The following RTTN variants were observed in gnomAD, a reference collection of about 807,000 sequenced individuals.
RTTN encodes the protein rotatin.
A neutral mutation model predicts 269.2 loss-of-function variants in RTTN; 182 were observed. The ratio of observed to expected loss-of-function variants is 0.68; its 90% CI spans 0.60 to 0.76. RTTN has a LOEUF of 0.76. Among genes scored for constraint, RTTN ranks in the 30% least tolerant of loss-of-function variants. The probability of loss-of-function intolerance (pLI) is 0.00; values close to 1 mark genes in which losing one functional copy is unlikely to be tolerated. For synonymous variants in RTTN, 1,006 were observed against 963.5 expected (o/e 1.04, Z -0.82); for missense variants, 2,545 against 2,608.6 (o/e 0.98, Z 0.53).
intron 17 of RTTN, 137 bp downstream of exon 17, chr18:70,148,764 G>C: frequency 3.1e-6 from 3 of 959,556 alleles, no homozygotes; most frequent in East Asian, 5.4e-5. Flanking sequence ...TTAGTTTCAC[G>C]CATTGGTTTC....
At chr18:70,139,421 G>T (rs535707652) in intron 21 of RTTN, among the ~76,000 whole-genome samples, 178 bp downstream of exon 21, 1 of 152,234 alleles carries the variant, frequency 6.6e-6, no homozygotes, top group South Asian at 2.1e-4. Flanking sequence ...TCAGCAACAG[G>T]ATTAGAAAGC....
intron 14 of RTTN, among the ~76,000 whole-genome samples, chr18:70,153,430 A>G (rs2060591966): frequency 2.6e-5 from 4 of 152,112 alleles, no homozygotes; most frequent in Admixed American, 2.6e-4. Context: ...TTATATCACT[A>G]CAGTCTAGCA....
At chr18:70,184,710 T>TGTG (rs1427052940) in intron 10 of RTTN, among the ~76,000 whole-genome samples, 16 of 57,100 alleles carry the variant, frequency 2.8e-4, no homozygotes, top group African/African-American at 1.1e-3. Context: ...CAGGTTTTTT[T>TGTG]TTTTTTTGTG....
At chr18:70,062,548 T>G (rs1210289432) in intron 35 of RTTN, among the ~76,000 whole-genome samples, 1 of 152,172 alleles carries the variant, frequency 6.6e-6, no homozygotes, top group African/African-American at 2.4e-5. Context: ...TGTGCTTCTT[T>G]CTTCACTTGA....
chr18:70,112,121 C>T (rs1375784901), intron 27 of RTTN, among the ~76,000 whole-genome samples: 1 of 152,114 alleles, frequency 6.6e-6, no homozygotes, highest in Non-Finnish European at 1.5e-5. Flanking sequence ...ATTTTGTCAC[C>T]ACCAGGCCTG....
At chr18:70,122,273 T>C (rs1425832872) in intron 25 of RTTN, among the ~76,000 whole-genome samples, 1 of 151,416 alleles carries the variant, frequency 6.6e-6, no homozygotes, top group Admixed American at 6.6e-5. Context: ...AAAAAACTGG[T>C]TTAAGAGAGC....
chr18:70,134,350 C>CATG (rs2060069867), intron 23 of RTTN, 123 bp downstream of exon 23: 1 of 728,950 alleles, frequency 1.4e-6, no homozygotes, highest in African/African-American at 1.8e-5. Context: ...GTGAAGGAAC[C>CATG]ATGAAAGCCC....
At chr18:70,173,355 T>C (rs1156278716) in intron 11 of RTTN, among the ~76,000 whole-genome samples, 5 of 151,896 alleles carry the variant, frequency 3.3e-5, no homozygotes, top group Non-Finnish European at 7.4e-5. Flanking sequence ...TAGCCGGGCA[T>C]GGTGGGGCAC....
chr18:70,152,013 T>C (rs1599792871), intron 14 of RTTN, among the ~76,000 whole-genome samples: 1 of 152,178 alleles, frequency 6.6e-6, no homozygotes, highest in Non-Finnish European at 1.5e-5. Context: ...GAGCTTCTCA[T>C]AGAGGACACC....
rs1409405210 is a variant in RTTN, at chr18:70,057,843, C to T, written c.4941-11G>A. ...GTAGCATCTGCAATGCTGTGACGATCAGAAAAAGAAAATCCTTCAGAAGAT... is the reference window on the plus strand; with the variant it reads ...GTAGCATCTGCAATGCTGTGACGATTAGAAAAAGAAAATCCTTCAGAAGAT... On this transcript the variant is annotated splice_polypyrimidine_tract_variant and intron_variant, in intron 36 of 48. Coordinates refer to ENST00000640769, the MANE Select transcript of RTTN (RefSeq NM_173630.4). 6 of 1,599,012 alleles carry T rather than the reference C, an allele frequency of 3.8e-6. No homozygotes were observed. Among genetic ancestry groups the T allele is most frequent in the Non-Finnish European group, 5.1e-6 (6 of 1,168,276 alleles).
intron 1 of RTTN, among the ~76,000 whole-genome samples, 154 bp from the exon 2 acceptor site, chr18:70,205,469 A>G (rs1328580119): frequency 1.3e-5 from 2 of 152,246 alleles, no homozygotes; most frequent in Admixed American, 6.5e-5. Context: ...CGAAGTTTAC[A>G]CAAAGTCCGA....
rs187732772 is a variant in RTTN, at chr18:70,027,662, A to G, written c.5823+1062T>C. Among the ~76,000 whole-genome samples the G allele has an allele frequency of 5.3e-5, 8 of 152,370 alleles. No individual in the cohort carries two copies. The East Asian group carries it at 1.5e-3, about 29-fold the overall frequency. On this transcript the variant is annotated intron_variant, in intron 43 of 48. Coordinates refer to ENST00000640769, the MANE Select transcript of RTTN (RefSeq NM_173630.4). ...AAATTTACACACAAATACTGACTGTACATCCAGTCACAAGCATAATATCAT... is the reference window on the plus strand; with the variant it reads ...AAATTTACACACAAATACTGACTGTGCATCCAGTCACAAGCATAATATCAT...
intron 10 of RTTN, among the ~76,000 whole-genome samples, chr18:70,184,700 C>G (rs2061493610): frequency 1.2e-4 from 4 of 33,268 alleles, no homozygotes; most frequent in Non-Finnish European, 2.8e-4. Flanking sequence ...AAAACCACAG[C>G]AGGTTTTTTT....
At chr18:70,169,359 T>C (rs996514322) in intron 11 of RTTN, among the ~76,000 whole-genome samples, 3 of 152,220 alleles carry the variant, frequency 2.0e-5, no homozygotes, top group Admixed American at 6.5e-5. Context: ...CCTTGAGCCC[T>C]GCACCTTGTA....
chr18:70,126,985 C>T (rs2059880890), intron 25 of RTTN, among the ~76,000 whole-genome samples: 2 of 152,142 alleles, frequency 1.3e-5, no homozygotes, highest in African/African-American at 2.4e-5. Flanking sequence ...CAAATGCAAC[C>T]ATCTGCTACA....
chr18:70,069,644 T>C (rs1041970065), intron 34 of RTTN, among the ~76,000 whole-genome samples: 2 of 152,216 alleles, frequency 1.3e-5, no homozygotes, highest in Non-Finnish European at 2.9e-5. Flanking sequence ...CAGAAGCAAG[T>C]GATTTCACTA....
intron 28 of RTTN, among the ~76,000 whole-genome samples, chr18:70,094,024 G>A (rs1017493126): frequency 7.2e-5 from 11 of 152,148 alleles, no homozygotes; most frequent in Admixed American, 1.3e-4. Context: ...TTAGTCTTGG[G>A]AGGGTGTATG....
intron 34 of RTTN, among the ~76,000 whole-genome samples, chr18:70,066,611 T>C (rs2058142586): frequency 6.6e-6 from 1 of 152,202 alleles, no homozygotes; most frequent in Non-Finnish European, 1.5e-5. Flanking sequence ...GTCAGATAAC[T>C]CTTTTCCTTA....
chr18:70,010,645 A>G (rs1568234616), intron 46 of RTTN, among the ~76,000 whole-genome samples: 1 of 152,222 alleles, frequency 6.6e-6, no homozygotes, highest in Non-Finnish European at 1.5e-5. Context: ...GGAAAGATCT[A>G]AAATCAACAC....
Sources: gnomAD v4.1 joint callset for allele counts (sites outside exome capture counted in the v4.1 genomes callset) on GRCh38, gnomAD v4.1.1 for gene constraint, MANE v1.5 for transcripts, NCBI Gene and HGNC (gene_info 2026-07-23, HGNC 2026-07-21) for gene names.